Variants in FHIT observed in about 807,000 individuals in gnomAD.
FHIT encodes bis(5'-adenosyl)-triphosphatase.
Under a neutral mutation model 17.9 loss-of-function variants are expected in FHIT, and 19 were observed. The ratio of observed to expected loss-of-function variants is 1.06; its 90% CI spans 0.74 to 1.56. The LOEUF is 1.56. Among genes scored for constraint, FHIT ranks in the 40% most tolerant of loss-of-function variants. The pLI is 0.00. For missense variants in FHIT, 248 were observed against 189.2 expected (o/e 1.31, Z -1.82); for synonymous variants, 81 against 69.7 (o/e 1.16, Z -0.81).
intron 5 of FHIT, among the ~76,000 whole-genome samples, chr3:60,405,309 C>T (rs1182299710): frequency 1.3e-5 from 2 of 152,298 alleles, no homozygotes; most frequent in East Asian, 3.9e-4. Flanking sequence ...GGTGTCTTCA[C>T]TTTAACCTTT....
intron 5 of FHIT, among the ~76,000 whole-genome samples, chr3:60,098,037 A>G (rs1369222329): frequency 6.6e-6 from 1 of 151,906 alleles, no homozygotes; most frequent in Non-Finnish European, 1.5e-5. Context: ...CCTGCAAAGG[A>G]CATGAACTGA....
intron 3 of FHIT, among the ~76,000 whole-genome samples, chr3:60,901,439 T>C (rs547663243): frequency 3.3e-5 from 5 of 152,352 alleles, no homozygotes; most frequent in Admixed American, 1.3e-4. Context: ...GAAAGAAGTA[T>C]GTGGCAGAAT....
chr3:61,179,008 CTTTTTTTTTTTTTTT>C (rs778191387), intron 2 of FHIT, among the ~76,000 whole-genome samples: 19 of 127,626 alleles, frequency 1.5e-4, no homozygotes, highest in Non-Finnish European at 2.8e-4. Flanking sequence ...TTTTCTTTTT[CTTTTTTTTTTTTTTT>C]TTTTTGAGAC....
At chr3:60,130,681 A>G (rs1435923140) in intron 5 of FHIT, among the ~76,000 whole-genome samples, 1 of 151,886 alleles carries the variant, frequency 6.6e-6, no homozygotes, top group East Asian at 1.9e-4. Flanking sequence ...CTTTCCAAAA[A>G]TTACTTGAAA....
chr3:59,769,369 T>G (rs1367595984), intron 8 of FHIT, among the ~76,000 whole-genome samples: 1 of 152,126 alleles, frequency 6.6e-6, no homozygotes, highest in Admixed American at 6.5e-5. Context: ...CTGCTCACCC[T>G]CCATTGGGTA....
intron 4 of FHIT, among the ~76,000 whole-genome samples, chr3:60,805,130 C>A (rs949652485): frequency 6.6e-6 from 1 of 152,124 alleles, no homozygotes; most frequent in African/African-American, 2.4e-5. Flanking sequence ...ATGGGGGAAT[C>A]GTTTCTTAAG....
At chr3:60,701,490 G>T (rs1397450686) in intron 4 of FHIT, among the ~76,000 whole-genome samples, 1 of 152,210 alleles carries the variant, frequency 6.6e-6, no homozygotes, top group South Asian at 2.1e-4. Flanking sequence ...AAAGGGGGGA[G>T]TGCTGATTGG....
chr3:60,454,461 T>C (rs1174575936), intron 5 of FHIT, among the ~76,000 whole-genome samples: 1 of 151,622 alleles, frequency 6.6e-6, no homozygotes. Flanking sequence ...CTCGGCTCAC[T>C]GCAACCTCCA....
At chr3:61,041,683 C>G in intron 3 of FHIT, among the ~76,000 whole-genome samples, 1 of 133,282 alleles carries the variant, frequency 7.5e-6, no homozygotes, top group South Asian at 2.4e-4. Flanking sequence ...AAAAATAAAG[C>G]AAAAAAAAAA....
chr3:60,326,848 G>A (rs1709718540), intron 5 of FHIT, among the ~76,000 whole-genome samples: 1 of 152,138 alleles, frequency 6.6e-6, no homozygotes, highest in Non-Finnish European at 1.5e-5. Flanking sequence ...ATGCTTTCTG[G>A]AAGAAGAATT....
At chr3:61,171,150 C>T (rs1438075550) in intron 2 of FHIT, among the ~76,000 whole-genome samples, 1 of 152,172 alleles carries the variant, frequency 6.6e-6, no homozygotes, top group Non-Finnish European at 1.5e-5. Flanking sequence ...GCCATTCTGA[C>T]TGGTGTGAGA....
intron 8 of FHIT, among the ~76,000 whole-genome samples, chr3:59,892,499 A>G (rs1397539868): frequency 6.6e-6 from 1 of 152,236 alleles, no homozygotes; most frequent in Admixed American, 6.5e-5. Context: ...GTAAATTTAA[A>G]GTGATCACTT....
chr3:60,329,382 C>T (rs976476709), intron 5 of FHIT, among the ~76,000 whole-genome samples: 2 of 152,156 alleles, frequency 1.3e-5, no homozygotes, highest in African/African-American at 4.8e-5. Flanking sequence ...GCAATCTGAA[C>T]CACTACTAGA....
chr3:60,266,963 G>C (rs1467983599), intron 5 of FHIT, among the ~76,000 whole-genome samples: 1 of 152,040 alleles, frequency 6.6e-6, no homozygotes, highest in Non-Finnish European at 1.5e-5. Flanking sequence ...TGTGATGGTA[G>C]TTTACTCCAC....
At chr3:60,942,170 G>C (rs1257179800) in intron 3 of FHIT, among the ~76,000 whole-genome samples, 11 of 152,152 alleles carry the variant, frequency 7.2e-5, no homozygotes, top group African/African-American at 2.7e-4. Flanking sequence ...TTTTAGTAGA[G>C]ACAAGGTTTC....
chr3:60,888,141 T>A (rs1463577363), intron 3 of FHIT, among the ~76,000 whole-genome samples: 1 of 152,180 alleles, frequency 6.6e-6, no homozygotes, highest in Non-Finnish European at 1.5e-5. Context: ...GAGGGAAGGT[T>A]GTAATCTGAC....
At chr3:61,007,067 A>C (rs1390126893) in intron 3 of FHIT, among the ~76,000 whole-genome samples, 1 of 152,186 alleles carries the variant, frequency 6.6e-6, no homozygotes, top group Non-Finnish European at 1.5e-5. Context: ...ATCATAGAAA[A>C]GTCTCTATAT....
At chr3:59,909,480 C>T (rs1318823128) in intron 8 of FHIT, among the ~76,000 whole-genome samples, 3 of 152,154 alleles carry the variant, frequency 2.0e-5, no homozygotes, top group African/African-American at 7.2e-5. Flanking sequence ...TGGGCACGCA[C>T]CACCACACCT....
At chr3:60,523,598 T>C (rs374135196) in intron 5 of FHIT, among the ~76,000 whole-genome samples, 19 of 152,264 alleles carry the variant, frequency 1.2e-4, no homozygotes, top group African/African-American at 3.9e-4. Flanking sequence ...ACTGAAGAAA[T>C]TGCTTACAGA....
Sources: gnomAD v4.1 joint callset for allele counts (sites outside exome capture counted in the v4.1 genomes callset) on GRCh38, gnomAD v4.1.1 for gene constraint, MANE v1.5 for transcripts, NCBI Gene and HGNC (gene_info 2026-07-23, HGNC 2026-07-21) for gene names.